The following SPAG16 variants were observed in gnomAD, a reference collection of about 807,000 sequenced individuals.
SPAG16 encodes the protein sperm associated antigen 16, also known as sperm-associated antigen 16 protein.
A neutral mutation model predicts 80.4 loss-of-function variants in SPAG16; 86 were observed. The ratio of observed to expected loss-of-function variants is 1.07; its 90% confidence interval spans 0.90 to 1.28. The LOEUF (loss-of-function observed/expected upper bound fraction) is 1.28. Among genes scored for constraint, SPAG16 ranks in the 50% most tolerant of loss-of-function variants. The probability of loss-of-function intolerance (pLI) is 0.00; values close to 1 mark genes in which losing one functional copy is unlikely to be tolerated. For missense variants in SPAG16, 870 were observed against 765.3 expected (o/e 1.14, Z -1.61); for synonymous variants, 294 against 265.9 (o/e 1.11, Z -1.03).
intron 15 of SPAG16, among the ~76,000 whole-genome samples, chr2:214,310,150 T>C (rs1695185362): frequency 6.8e-6 from 1 of 147,372 alleles, no homozygotes; most frequent in African/African-American, 2.5e-5. Context: ...AAAGAAACCG[T>C]CATTTTCTTT....
chr2:213,809,741 T>G (rs1361499621), intron 10 of SPAG16, among the ~76,000 whole-genome samples: 1 of 152,198 alleles, frequency 6.6e-6, no homozygotes, highest in African/African-American at 2.4e-5. Flanking sequence ...CATGATGCAC[T>G]TTTATTTAGG....
At chr2:213,893,989 G>A (rs2076892958) in intron 11 of SPAG16, among the ~76,000 whole-genome samples, 1 of 152,070 alleles carries the variant, frequency 6.6e-6, no homozygotes, top group African/African-American at 2.4e-5. Context: ...ACTTTATGCT[G>A]CCTACAAGAA....
rs566099478 is a variant in SPAG16 at position 213,738,378 on chromosome 2, G to T, written c.1071-124107G>T. Among the ~76,000 whole-genome samples the T allele has an allele frequency of 2.0e-5, 3 of 152,238 alleles. No homozygotes were observed. The East Asian group carries it at 5.8e-4, about 29-fold the overall frequency. On this transcript the variant is annotated intron_variant, in intron 10 of 15. Coordinates refer to ENST00000331683, the MANE Select transcript of SPAG16 (RefSeq NM_024532.5). Reference sequence around the variant, plus strand: ...TAGGAGATTAATGACCAGTTATTCAGAAGATAGAGCATATGAGAGTGATGA... The same window carrying T: ...TAGGAGATTAATGACCAGTTATTCATAAGATAGAGCATATGAGAGTGATGA...
intron 1 of SPAG16, among the ~76,000 whole-genome samples, chr2:213,294,213 A>G (rs1439492599): frequency 6.6e-6 from 1 of 152,224 alleles, no homozygotes; most frequent in Non-Finnish European, 1.5e-5. Context: ...TTCACTTAGC[A>G]TGACCTTCAG....
intron 10 of SPAG16, among the ~76,000 whole-genome samples, chr2:213,768,261 G>A (rs1398443493): frequency 6.6e-6 from 1 of 152,082 alleles, no homozygotes; most frequent in Non-Finnish European, 1.5e-5. Flanking sequence ...TGCAATAAAG[G>A]CAGGCTTTCT....
At chr2:213,402,576 C>G (rs138783233) in intron 9 of SPAG16, among the ~76,000 whole-genome samples, 2 of 150,670 alleles carry the variant, frequency 1.3e-5, no homozygotes, top group Non-Finnish European at 3.0e-5. Context: ...TCCCTCCCCC[C>G]TCCCCACACC....
chr2:214,152,431 A>G (rs930890196), intron 15 of SPAG16, among the ~76,000 whole-genome samples: 10 of 152,142 alleles, frequency 6.6e-5, no homozygotes, highest in African/African-American at 2.4e-4. Context: ...ATTTCTCCTC[A>G]TGGAAATAAT....
intron 10 of SPAG16, among the ~76,000 whole-genome samples, chr2:213,764,164 T>C (rs2068808574): frequency 1.3e-5 from 2 of 152,242 alleles, no homozygotes; most frequent in African/African-American, 4.8e-5. Flanking sequence ...ATGCTGACTA[T>C]GTAAACGAGA....
At chr2:214,264,998 G>C (rs1691451130) in intron 15 of SPAG16, among the ~76,000 whole-genome samples, 1 of 151,982 alleles carries the variant, frequency 6.6e-6, no homozygotes. Context: ...TCATTTTATG[G>C]CTTTACTACA....
chr2:214,106,466 A>G (rs1022562017), intron 13 of SPAG16, among the ~76,000 whole-genome samples: 1 of 152,208 alleles, frequency 6.6e-6, no homozygotes, highest in Non-Finnish European at 1.5e-5. Flanking sequence ...ATTTAAATTT[A>G]TGTGGGGAAA....
chr2:213,803,915 T>A (rs2071576843), intron 10 of SPAG16, among the ~76,000 whole-genome samples: 1 of 152,200 alleles, frequency 6.6e-6, no homozygotes, highest in African/African-American at 2.4e-5. Flanking sequence ...CTTGAGTCTC[T>A]AACTTTTTAG....
intron 15 of SPAG16, among the ~76,000 whole-genome samples, chr2:214,356,487 T>A (rs1698812247): frequency 1.3e-5 from 2 of 151,998 alleles, no homozygotes; most frequent in East Asian, 3.8e-4. Context: ...ACAAAACAAC[T>A]ATGTATACAG....
At chr2:213,951,021 T>TG (rs1553678554) in intron 12 of SPAG16, among the ~76,000 whole-genome samples, 28 of 149,836 alleles carry the variant, frequency 1.9e-4, no homozygotes, top group African/African-American at 6.6e-4. Context: ...CTGACATAGT[T>TG]TTTTTTTTTT....
At chr2:214,317,273 G>A (rs147974283) in intron 15 of SPAG16, among the ~76,000 whole-genome samples, 36 of 152,206 alleles carry the variant, frequency 2.4e-4, no homozygotes, top group East Asian at 7.7e-4. Context: ...TCTGACTTCC[G>A]GCCTAATGTT....
intron 12 of SPAG16, among the ~76,000 whole-genome samples, chr2:213,956,694 G>A (rs773634087): frequency 5.9e-5 from 9 of 151,852 alleles, no homozygotes; most frequent in South Asian, 2.1e-4. Flanking sequence ...GTGATCTGTC[G>A]TCTACCTTGG....
chr2:213,596,722 A>G (rs767663323), intron 10 of SPAG16, among the ~76,000 whole-genome samples: 5 of 152,160 alleles, frequency 3.3e-5, no homozygotes, highest in Admixed American at 2.0e-4. Context: ...AGTCAAAGAC[A>G]AAGATTGAGC....
intron 10 of SPAG16, among the ~76,000 whole-genome samples, chr2:213,615,082 C>T (rs1157510536): frequency 1.3e-5 from 2 of 152,018 alleles, no homozygotes; most frequent in Non-Finnish European, 2.9e-5. Context: ...GTTGATTTAC[C>T]CAAGGTCAAG....
chr2:213,944,764 G>A (rs1326641612), intron 12 of SPAG16, among the ~76,000 whole-genome samples: 1 of 152,168 alleles, frequency 6.6e-6, no homozygotes, highest in African/African-American at 2.4e-5. Context: ...GATAGTATTT[G>A]AAGGTGGAGC....
At chr2:213,373,923 T>C (rs1190875566) in intron 8 of SPAG16, among the ~76,000 whole-genome samples, 1 of 152,158 alleles carries the variant, frequency 6.6e-6, no homozygotes, top group Non-Finnish European at 1.5e-5. Flanking sequence ...GAAAATATAA[T>C]AAAAGAGAAG....
Sources: gnomAD v4.1 joint callset for allele counts (sites outside exome capture counted in the v4.1 genomes callset) on GRCh38, gnomAD v4.1.1 for gene constraint, MANE v1.5 for transcripts, NCBI Gene and HGNC (gene_info 2026-07-23, HGNC 2026-07-21) for gene names.